ORC1: variants seen among roughly 807,000 people sequenced by gnomAD.
ORC1 encodes the protein origin recognition complex, subunit 1 homolog.
ORC1 carries 61 observed loss-of-function variants against 98.9 expected under a neutral mutation model. That is an observed-to-expected ratio of 0.62 (90% CI 0.50 to 0.76). The LOEUF (loss-of-function observed/expected upper bound fraction) is 0.76, where lower values mean the gene tolerates loss of function less well. Among genes scored for constraint, ORC1 ranks in the 30% least tolerant of loss-of-function variants. ORC1 has a pLI of 0.00. For missense variants in ORC1, 979 were observed against 1,072.2 expected, an observed-to-expected ratio of 0.91 and a Z score of 1.21; for synonymous variants, 385 against 406.9, an observed-to-expected ratio of 0.95 and a Z score of 0.65.
At chr1:52,381,993 C>CT (rs775268743) in intron 13 of ORC1, among the ~76,000 whole-genome samples, 7 of 149,906 alleles carry the variant, frequency 4.7e-5, no homozygotes, top group Non-Finnish European at 1.0e-4. Flanking sequence ...CTTTTTTTTT[C>CT]TTTGAGACGG....
intron 10 of ORC1, 139 bp from the exon 11 acceptor site, chr1:52,384,860 C>A (rs1438464032): frequency 1.3e-6 from 1 of 779,794 alleles, no homozygotes; most frequent in African/African-American, 1.7e-5. Flanking sequence ...AGGGACCATC[C>A]TTGGAAGCTG....
At chr1:52,390,994 T>G (rs1364803761) in intron 6 of ORC1, among the ~76,000 whole-genome samples, 2 of 150,926 alleles carry the variant, frequency 1.3e-5, no homozygotes, top group East Asian at 3.9e-4. Context: ...GACTTAAATC[T>G]AAAACCTGAA....
intron 14 of ORC1, among the ~76,000 whole-genome samples, chr1:52,377,126 G>C (rs774499113): frequency 6.6e-6 from 1 of 151,808 alleles, no homozygotes; most frequent in African/African-American, 2.4e-5. Flanking sequence ...GGGTTCAAGC[G>C]ATTCTCCTGC....
At chr1:52,399,623 CAAAAA>C (rs1198516466) in intron 3 of ORC1, among the ~76,000 whole-genome samples, 1 of 64,120 alleles carries the variant, frequency 1.6e-5, no homozygotes, top group African/African-American at 5.2e-5. Context: ...GACTCTGTCT[CAAAAA>C]AAAAAAAAAA....
chr1:52,399,790 C>T (rs6691076), intron 3 of ORC1, among the ~76,000 whole-genome samples: 3,931 of 149,552 alleles, frequency 0.026, 153 homozygotes, highest in African/African-American at 0.089. Flanking sequence ...CTGGGTGACA[C>T]AGCAAGATTC....
intron 5 of ORC1, among the ~76,000 whole-genome samples, chr1:52,395,451 C>A (rs1033008849): frequency 6.6e-6 from 1 of 151,892 alleles, no homozygotes; most frequent in African/African-American, 2.4e-5. Flanking sequence ...AGTTTTGACT[C>A]GAATTATATT....
intron 4 of ORC1, 65 bp from the exon 5 acceptor site, chr1:52,396,429 T>C: frequency 6.2e-7 from 1 of 1,601,772 alleles, no homozygotes; most frequent in Non-Finnish European, 8.5e-7. Context: ...GAGTATTCCA[T>C]CAGAGCTACA....
intron 6 of ORC1, among the ~76,000 whole-genome samples, chr1:52,391,727 C>T (rs747811772): frequency 1.4e-4 from 21 of 151,940 alleles, no homozygotes; most frequent in Non-Finnish European, 7.4e-5. Flanking sequence ...GGTGAAATCC[C>T]ACCTCTACTA....
chr1:52,398,788 T>C (rs2147944161), intron 3 of ORC1, among the ~76,000 whole-genome samples: 1 of 151,834 alleles, frequency 6.6e-6, no homozygotes, highest in African/African-American at 2.4e-5. Flanking sequence ...GGTTTCACCG[T>C]GTTAGCCAGG....
In ORC1 at chr1:52,388,889, T is replaced by TC. The variant is rs146786041; in HGVS notation, c.1188-253dup. Among the ~76,000 whole-genome samples, 19 of 152,272 alleles carry TC rather than the reference T, an allele frequency of 1.2e-4. No homozygotes were observed. The East Asian group carries it at 3.3e-3, about 26-fold the overall frequency. ...CAGGCTTAGAAAGGTAATTTTGCCT[T>TC]CCCAAGGTTACACAGATGGTAAATG... On this transcript the variant is annotated intron_variant, in intron 7 of 16. Coordinates refer to ENST00000371568, the MANE Select transcript of ORC1 (RefSeq NM_004153.4).
intron 3 of ORC1, among the ~76,000 whole-genome samples, chr1:52,400,551 TAC>T (rs1429409974): frequency 6.6e-6 from 1 of 152,256 alleles, no homozygotes; most frequent in East Asian, 1.9e-4. Context: ...CTCTTGGGCA[TAC>T]AGACTACCAC....
chr1:52,396,386 A>T, intron 4 of ORC1, 22 bp from the exon 5 acceptor site: 1 of 1,614,048 alleles, frequency 6.2e-7, no homozygotes, highest in Non-Finnish European at 8.5e-7. Flanking sequence ...AAGTATAGAT[A>T]AGTAGGAAGA....
At chr1:52,375,992 G>A (rs1646990748) in intron 14 of ORC1, among the ~76,000 whole-genome samples, 1 of 152,226 alleles carries the variant, frequency 6.6e-6, no homozygotes, top group Non-Finnish European at 1.5e-5. Flanking sequence ...AGCCTATCTG[G>A]AGATAAAGCC....
intron 3 of ORC1, 58 bp downstream of exon 3, chr1:52,401,304 C>G: frequency 6.2e-7 from 1 of 1,607,674 alleles, no homozygotes; most frequent in Admixed American, 1.7e-5. Flanking sequence ...TCCACAATCT[C>G]CCCACCTCCC....
At position 52,373,067 on chromosome 1, in the gene ORC1, G is replaced by C. The variant is rs1646953924; in HGVS notation, c.*114C>G. On this transcript the variant is annotated 3_prime_UTR_variant, in exon 17 of 17. Transcript: ENST00000371568. ...GGGTCACCTAAGCCTGAGAAGTCAA[G>C]GCTGCAGTGAGCCATGATCGTGCCA... The C allele has an allele frequency of 2.7e-6, 3 of 1,121,916 alleles. No homozygotes were observed. Among genetic ancestry groups the C allele is most frequent in the Middle Eastern group, 2.9e-4 (1 of 3,452 alleles). The allele number at this position is 1,121,916 out of a possible 1,614,324, so 69.5% of individuals were successfully genotyped here.
intron 13 of ORC1, among the ~76,000 whole-genome samples, 200 bp downstream of exon 13, chr1:52,383,220 T>C (rs998097275): frequency 2.6e-5 from 4 of 152,044 alleles, no homozygotes; most frequent in African/African-American, 9.7e-5. Context: ...GGCTAATTTT[T>C]GTATTTTTAG....
At chr1:52,395,009 A>G (rs1423848988) in intron 5 of ORC1, among the ~76,000 whole-genome samples, 1 of 152,192 alleles carries the variant, frequency 6.6e-6, no homozygotes, top group East Asian at 1.9e-4. Flanking sequence ...TGCATTTTCT[A>G]AATGTTTTAT....
intron 14 of ORC1, among the ~76,000 whole-genome samples, chr1:52,377,703 C>CAAAAAAAAAAAA (rs58266239): frequency 1.7e-5 from 1 of 58,766 alleles, no homozygotes. Context: ...CCCCTAGAAG[C>CAAAAAAAAAAAA]AAAAAAAAAA....
upstream of ORC1, chr1:52,404,858 G>C: frequency 6.2e-7 from 1 of 1,614,224 alleles, no homozygotes; most frequent in East Asian, 2.2e-5. Context: ...GTACTGGAAA[G>C]AGGAGTGCTT....
Sources: gnomAD v4.1 joint callset for allele counts (sites outside exome capture counted in the v4.1 genomes callset) on GRCh38, gnomAD v4.1.1 for gene constraint, MANE v1.5 for transcripts, NCBI Gene and HGNC (gene_info 2026-07-23, HGNC 2026-07-21) for gene names.